The following GRID2 variants were observed in gnomAD, a reference collection of about 807,000 sequenced individuals.
GRID2 encodes glutamate receptor ionotropic, delta-2.
Under a neutral mutation model 114.8 loss-of-function variants are expected in GRID2, and 33 were observed. The ratio of observed to expected loss-of-function variants is 0.29; its 90% CI spans 0.22 to 0.38. The LOEUF (loss-of-function observed/expected upper bound fraction) is 0.38. Ranked by LOEUF, GRID2 falls within the 10% of genes least tolerant of loss-of-function variation. The probability of loss-of-function intolerance (pLI) is 1.00; values close to 1 mark genes in which losing one functional copy is unlikely to be tolerated. For synonymous variants in GRID2, 505 were observed against 449.9 expected, an observed-to-expected ratio of 1.12 and a Z score of -1.55; for missense variants, 1,184 against 1,257.7, an observed-to-expected ratio of 0.94 and a Z score of 0.89.
chr4:93,324,627 G>T (rs926998341), intron 8 of GRID2, among the ~76,000 whole-genome samples: 7 of 152,100 alleles, frequency 4.6e-5, no homozygotes, highest in Admixed American at 4.6e-4. Flanking sequence ...GCTCCTCTTT[G>T]TACCTCTGGT....
rs567080751 is a variant in GRID2 at position 93,012,776 on chromosome 4, T to C, written c.245-72219T>C. ...AGTTGGGTTCTTTGAATTGCTTACC[T>C]AAAGTTATTCTTACTATGGAGAAAT... is the stretch of plus-strand genomic sequence containing the variant. On this transcript the variant is annotated intron_variant, in intron 2 of 15. Transcript: ENST00000282020. Among the ~76,000 whole-genome samples the C allele has an allele frequency of 7.9e-5, 12 of 151,806 alleles. No homozygotes were observed. In the South Asian group the frequency reaches 2.5e-3, roughly 31 times the overall value.
chr4:93,249,122 A>G (rs1452669764), intron 8 of GRID2, among the ~76,000 whole-genome samples: 1 of 152,202 alleles, frequency 6.6e-6, no homozygotes, highest in East Asian at 1.9e-4. Context: ...CATTTATTAA[A>G]TAGGGAATCC....
chr4:93,024,597 T>C (rs1036058635), intron 2 of GRID2, among the ~76,000 whole-genome samples: 2 of 151,760 alleles, frequency 1.3e-5, no homozygotes, highest in African/African-American at 4.8e-5. Context: ...TACATTATTT[T>C]ATATATTTTA....
intron 1 of GRID2, among the ~76,000 whole-genome samples, chr4:92,324,496 T>G (rs1196923825): frequency 6.6e-6 from 1 of 151,978 alleles, no homozygotes; most frequent in Non-Finnish European, 1.5e-5. Flanking sequence ...ACATAAAATA[T>G]TCTTGATTAT....
At chr4:92,439,248 G>A (rs1444595830) in intron 1 of GRID2, among the ~76,000 whole-genome samples, 1 of 152,016 alleles carries the variant, frequency 6.6e-6, no homozygotes, top group Non-Finnish European at 1.5e-5. Context: ...GCAAGGACCG[G>A]CCATTTACAC....
intron 4 of GRID2, among the ~76,000 whole-genome samples, chr4:93,158,055 ATCC>A (rs1737343926): frequency 6.6e-6 from 1 of 151,858 alleles, no homozygotes; most frequent in African/African-American, 2.4e-5. Context: ...CAAACTAGTC[ATCC>A]TCTATTACAC....
chr4:93,379,670 G>A (rs1339440433), intron 8 of GRID2, among the ~76,000 whole-genome samples: 3 of 152,196 alleles, frequency 2.0e-5, no homozygotes, highest in Non-Finnish European at 4.4e-5. Flanking sequence ...AAAAGTGCTG[G>A]AGATATGGTG....
intron 9 of GRID2, among the ~76,000 whole-genome samples, chr4:93,421,699 T>G (rs1560602876): frequency 6.6e-6 from 1 of 152,138 alleles, no homozygotes; most frequent in Non-Finnish European, 1.5e-5. Flanking sequence ...CTCATAGCAA[T>G]TTTTAGGGAG....
intron 1 of GRID2, among the ~76,000 whole-genome samples, chr4:92,363,223 G>C (rs1579241400): frequency 6.6e-6 from 1 of 152,096 alleles, no homozygotes; most frequent in Admixed American, 6.6e-5. Context: ...ATTTTAACAA[G>C]TCCCCCCATG....
intron 14 of GRID2, among the ~76,000 whole-genome samples, chr4:93,709,409 A>T (rs1728291537): frequency 6.6e-6 from 1 of 151,898 alleles, no homozygotes; most frequent in Non-Finnish European, 1.5e-5. Context: ...ATGTCATGCC[A>T]CTCTCTCTTG....
rs1233784537 is a variant in GRID2 at position 93,121,202 on chromosome 4, T to A, written c.735+10249T>A. On this transcript the variant is annotated intron_variant, in intron 4 of 15. Coordinates refer to ENST00000282020, the MANE Select transcript of GRID2 (RefSeq NM_001510.4). ...TGGAGACATTATACAATGCACAATT[T>A]TAAAGATGAAGCAATTATAATATAG... Among the ~76,000 whole-genome samples the A allele has an allele frequency of 2.0e-5, 3 of 152,096 alleles. No homozygotes were observed. The South Asian group carries it at 6.2e-4, about 32-fold the overall frequency.
chr4:93,401,998 A>C (rs1268261646), intron 9 of GRID2, among the ~76,000 whole-genome samples: 1 of 152,070 alleles, frequency 6.6e-6, no homozygotes, highest in Non-Finnish European at 1.5e-5. Flanking sequence ...AAACAAAAAA[A>C]AAGTATTTAG....
intron 8 of GRID2, among the ~76,000 whole-genome samples, chr4:93,290,817 G>A (rs996709385): frequency 6.0e-5 from 9 of 150,900 alleles, no homozygotes; most frequent in Non-Finnish European, 1.2e-4. Flanking sequence ...CTGAACACAG[G>A]GTAAGATGCT....
chr4:92,329,692 C>A (rs181056847), intron 1 of GRID2, among the ~76,000 whole-genome samples: 21 of 151,848 alleles, frequency 1.4e-4, no homozygotes, highest in African/African-American at 4.6e-4. Context: ...ATAGAAAAAA[C>A]ACTCAAAAAT....
rs951486795 is a variant in GRID2, at chr4:93,672,234, G to A, written c.2360+45799G>A. On this transcript the variant is annotated intron_variant, in intron 14 of 15. Transcript: ENST00000282020. ...TCAAACTCCCCTGACCCCATTTTCT[G>A]GGCCAATGGATCACTTGTCCCCATT... Among the ~76,000 whole-genome samples, 3 of 152,074 alleles carry A rather than the reference G, an allele frequency of 2.0e-5. No homozygotes were observed. The East Asian group carries it at 5.8e-4, about 29-fold the overall frequency.
intron 2 of GRID2, among the ~76,000 whole-genome samples, chr4:92,954,710 A>G (rs1752266789): frequency 1.4e-5 from 2 of 141,050 alleles, no homozygotes; most frequent in South Asian, 4.6e-4. Context: ...GGTGCGCTGC[A>G]CCCACTAACT....
At chr4:93,148,650 C>A (rs1034814657) in intron 4 of GRID2, among the ~76,000 whole-genome samples, 1 of 151,978 alleles carries the variant, frequency 6.6e-6, no homozygotes, top group Non-Finnish European at 1.5e-5. Flanking sequence ...TGTTTATTCA[C>A]GTAATAATAA....
intron 2 of GRID2, among the ~76,000 whole-genome samples, chr4:92,988,360 G>T (rs540737542): frequency 1.3e-5 from 2 of 152,230 alleles, no homozygotes; most frequent in African/African-American, 2.4e-5. Flanking sequence ...AGTGTGAATC[G>T]CTCTCTAAGG....
intron 2 of GRID2, among the ~76,000 whole-genome samples, chr4:92,729,392 G>A (rs1736221701): frequency 6.6e-6 from 1 of 151,900 alleles, no homozygotes; most frequent in Non-Finnish European, 1.5e-5. Flanking sequence ...CATTTTTGGA[G>A]TATTACCTGT....
Sources: gnomAD v4.1 joint callset for allele counts (sites outside exome capture counted in the v4.1 genomes callset) on GRCh38, gnomAD v4.1.1 for gene constraint, MANE v1.5 for transcripts, NCBI Gene and HGNC (gene_info 2026-07-23, HGNC 2026-07-21) for gene names.